The following GRAP2 variants were observed in gnomAD, a reference collection of about 807,000 sequenced individuals.
GRAP2 encodes GRB2-related adapter protein 2.
Under a neutral mutation model 43.5 loss-of-function variants are expected in GRAP2, and 31 were observed. The ratio of observed to expected loss-of-function variants is 0.71; its 90% CI spans 0.54 to 0.96. The LOEUF (loss-of-function observed/expected upper bound fraction) is 0.96. Ranked by LOEUF, GRAP2 falls within the 40% of genes least tolerant of loss-of-function variation. The pLI is 0.00. For synonymous variants in GRAP2, 156 were observed against 164.8 expected (o/e 0.95, Z 0.41); for missense variants, 371 against 424.4 (o/e 0.87, Z 1.11).
chr22:39,951,350 A>G (rs1048244140), intron 2 of GRAP2, among the ~76,000 whole-genome samples: 2 of 152,194 alleles, frequency 1.3e-5, no homozygotes, highest in African/African-American at 4.8e-5. Context: ...GACCCAGTCC[A>G]TTTCTGTCTC....
At position 39,970,947 on chromosome 22, in the gene GRAP2, G is replaced by A; in HGVS notation, c.856G>A (p.Glu286Lys). 6.2e-7 allele frequency: 1 copy of A among 1,613,502 alleles called. No homozygotes were observed. Among genetic ancestry groups the A allele is most frequent in the Non-Finnish European group, 8.5e-7 (1 of 1,179,816 alleles). Residue 286 changes from glutamate to lysine, a missense_variant, in exon 8 of 8, where the codon GAG becomes AAG. By Grantham distance (56) the Glu-to-Lys change is moderately conservative. Transcript: ENST00000344138. ...ARALYDFEALEDDELGFHSGE... is the reference protein window; with the variant it reads ...ARALYDFEALKDDELGFHSGE... Reference sequence around the variant, plus strand: ...GGCGCTGTATGACTTTGAGGCCCTGGAGGATGACGAGCTGGGGTTCCACAG... The same window carrying A: ...GGCGCTGTATGACTTTGAGGCCCTGAAGGATGACGAGCTGGGGTTCCACAG...
At chr22:39,912,468 TTC>T (rs1203063983) in intron 1 of GRAP2, among the ~76,000 whole-genome samples, 1 of 152,082 alleles carries the variant, frequency 6.6e-6, no homozygotes, top group Non-Finnish European at 1.5e-5. Context: ...GGAGCAGGGG[TTC>T]TCCCCCACTC....
chr22:39,964,350 G>A, intron 4 of GRAP2: 1 of 711,768 alleles, frequency 1.4e-6, no homozygotes, highest in Non-Finnish European at 2.5e-6. Flanking sequence ...CAGTGGCAGG[G>A]TCTGGGGAAG....
chr22:39,964,604 T>C, intron 4 of GRAP2: 1 of 744,848 alleles, frequency 1.3e-6, no homozygotes, highest in Non-Finnish European at 2.4e-6. Context: ...GGTGACCCTT[T>C]ATTTCATCCG....
chr22:39,911,762 T>A (rs1273734722), intron 1 of GRAP2, among the ~76,000 whole-genome samples: 2 of 152,172 alleles, frequency 1.3e-5, no homozygotes, highest in Non-Finnish European at 1.5e-5. Flanking sequence ...TCACGTGATT[T>A]TTAATCCAGG....
At chr22:39,923,312 G>C (rs2066670081) in intron 1 of GRAP2, among the ~76,000 whole-genome samples, 1 of 152,172 alleles carries the variant, frequency 6.6e-6, no homozygotes, top group Non-Finnish European at 1.5e-5. Flanking sequence ...TGTGCAAAGA[G>C]CAATATGTGT....
chr22:39,923,310 G>A (rs192842737), intron 1 of GRAP2, among the ~76,000 whole-genome samples: 129 of 152,308 alleles, frequency 8.5e-4, no homozygotes, highest in Non-Finnish European at 1.3e-3. Context: ...CATGTGCAAA[G>A]AGCAATATGT....
Position 39,970,972 on chromosome 22 carries a change from G to A in GRAP2, c.881G>A (p.Ser294Asn). The change falls in exon 8 of 8, where the codon AGC becomes AAC. Residue 294 changes from serine (S) to asparagine (N), a missense_variant. By Grantham distance (46) the Ser-to-Asn change is conservative. Transcript: ENST00000344138. ...ALEDDELGFH[S>N]GEVVEVLDSS... The stretch of plus-strand genomic sequence containing the variant: ...GAGGATGACGAGCTGGGGTTCCACA[G>A]CGGGGAGGTGGTGGAGGTCCTGGAT... 6.2e-7 allele frequency: 1 copy of A among 1,613,724 alleles called. No homozygotes were observed. Among genetic ancestry groups the A allele is most frequent in the Non-Finnish European group, 8.5e-7 (1 of 1,179,868 alleles).
chr22:39,970,276 T>A (rs2067224750), intron 7 of GRAP2, among the ~76,000 whole-genome samples: 1 of 152,160 alleles, frequency 6.6e-6, no homozygotes. Context: ...CGATAAGCTC[T>A]TGCTATATTG....
chr22:39,916,018 C>G (rs536271435), intron 1 of GRAP2, among the ~76,000 whole-genome samples: 83 of 152,324 alleles, frequency 5.4e-4, no homozygotes, highest in African/African-American at 1.9e-3. Context: ...TTAAGCTCCC[C>G]CATCCCTCTC....
intron 1 of GRAP2, among the ~76,000 whole-genome samples, chr22:39,925,714 G>A (rs889367874): frequency 6.6e-6 from 1 of 152,174 alleles, no homozygotes; most frequent in African/African-American, 2.4e-5. Context: ...TGAAGGAGCT[G>A]TTTGTGTTTT....
chr22:39,909,644 G>A (rs1421424094), intron 1 of GRAP2, among the ~76,000 whole-genome samples: 2 of 151,980 alleles, frequency 1.3e-5, no homozygotes, highest in Admixed American at 1.3e-4. Context: ...AAAAACATTG[G>A]GTCCTTTCCC....
chr22:39,903,872 A>G (rs937319476), intron 1 of GRAP2, among the ~76,000 whole-genome samples: 48 of 152,352 alleles, frequency 3.2e-4, no homozygotes, highest in African/African-American at 1.1e-3. Flanking sequence ...ACTATATGCC[A>G]GGCCTGGCAC....
intron 1 of GRAP2, among the ~76,000 whole-genome samples, chr22:39,905,219 G>A (rs140183925): frequency 2.0e-3 from 302 of 152,082 alleles, no homozygotes; most frequent in African/African-American, 7.0e-3. Flanking sequence ...ACTCTCACCC[G>A]GTGACTTTAG....
intron 1 of GRAP2, among the ~76,000 whole-genome samples, chr22:39,944,363 C>G (rs1473809337): frequency 1.3e-5 from 2 of 152,168 alleles, no homozygotes; most frequent in Non-Finnish European, 2.9e-5. Flanking sequence ...TTACTATTCT[C>G]TACTACTAGG....
chr22:39,897,725 A>G (rs137957), upstream of GRAP2, among the ~76,000 whole-genome samples: 150,142 of 152,022 alleles, frequency 0.99, 74,149 homozygotes, highest in Middle Eastern at 1. Flanking sequence ...CTCCATGTTG[A>G]TCAGGATGGT....
chr22:39,951,364 C>A (rs894996738), intron 2 of GRAP2, among the ~76,000 whole-genome samples: 1 of 152,230 alleles, frequency 6.6e-6, no homozygotes, highest in Non-Finnish European at 1.5e-5. Context: ...CTGTCTCCTT[C>A]TGTAATGCAG....
At chr22:39,968,328 C>T (rs1218192532) in intron 6 of GRAP2, 56 bp downstream of exon 6, 6 of 1,578,996 alleles carry the variant, frequency 3.8e-6, no homozygotes, top group Non-Finnish European at 3.5e-6. Flanking sequence ...CCTGCCTCCC[C>T]TCCAGGCCTG....
At chr22:39,947,326 A>C in intron 2 of GRAP2, 142 bp downstream of exon 2, 1 of 660,894 alleles carries the variant, frequency 1.5e-6, no homozygotes, top group East Asian at 2.6e-5. Context: ...GTGCACCCTT[A>C]TACCAGACAC....
Sources: allele counts gnomAD v4.1 joint callset (sites outside exome capture counted in the v4.1 genomes callset), GRCh38; gene constraint gnomAD v4.1.1; transcripts MANE v1.5; gene names NCBI Gene and HGNC (gene_info 2026-07-23, HGNC 2026-07-21).